AIG1: variants seen among roughly 807,000 people sequenced by gnomAD.
AIG1 encodes androgen-induced gene 1 protein.
Under a neutral mutation model 31.4 loss-of-function variants are expected in AIG1, and 23 were observed. The ratio of observed to expected loss-of-function variants is 0.73; its 90% CI spans 0.53 to 1.04. The LOEUF is 1.04. Among genes scored for constraint, AIG1 ranks in the 50% least tolerant of loss-of-function variants. AIG1 has a pLI of 0.00. For synonymous variants in AIG1, 100 were observed against 110.5 expected, an observed-to-expected ratio of 0.90 and a Z score of 0.60; for missense variants, 274 against 295.0, an observed-to-expected ratio of 0.93 and a Z score of 0.52.
At chr6:143,176,420 G>GT (rs1788164765) in intron 3 of AIG1, among the ~76,000 whole-genome samples, 1 of 152,170 alleles carries the variant, frequency 6.6e-6, no homozygotes, top group African/African-American at 2.4e-5. Flanking sequence ...TCAAGAGATT[G>GT]TTTTTTGTCT....
At position 143,282,104 on chromosome 6, in the gene AIG1, C is replaced by T. The variant is rs145658671; in HGVS notation, c.400-2006C>T. 4.5e-4 allele frequency among the ~76,000 whole-genome samples: 69 copies of T among 152,252 alleles called. No individual in the cohort carries two copies. The East Asian group carries it at 0.012, about 27-fold the overall frequency. On this transcript the variant is annotated intron_variant, in intron 3 of 5. Transcript: ENST00000357847. ...ACTTTCCTTGATAAAATAATGACAA[C>T]TGAATAAGCATATTCTGATTGGTTA...
intron 3 of AIG1, among the ~76,000 whole-genome samples, chr6:143,236,514 G>A (rs1352129884): frequency 1.3e-5 from 2 of 152,224 alleles, no homozygotes; most frequent in Non-Finnish European, 2.9e-5. Context: ...ATATAATGAT[G>A]TTGTTCTTTG....
chr6:143,254,499 C>T (rs1327669606), intron 3 of AIG1, among the ~76,000 whole-genome samples: 3 of 152,190 alleles, frequency 2.0e-5, no homozygotes, highest in African/African-American at 4.8e-5. Context: ...TATCTGCAAA[C>T]ACAACCCGAA....
chr6:143,127,660 T>C (rs1358268526), intron 1 of AIG1, among the ~76,000 whole-genome samples: 3 of 152,156 alleles, frequency 2.0e-5, no homozygotes, highest in East Asian at 3.8e-4. Flanking sequence ...ATTAAGGACA[T>C]AACTTGATAT....
At chr6:143,095,677 T>C (rs1779698096) in intron 1 of AIG1, among the ~76,000 whole-genome samples, 2 of 152,164 alleles carry the variant, frequency 1.3e-5, no homozygotes, top group Admixed American at 1.3e-4. Flanking sequence ...ATAATTAAAA[T>C]ATATTATCAG....
At chr6:143,089,275 G>A (rs940679897) in intron 1 of AIG1, among the ~76,000 whole-genome samples, 20 of 151,718 alleles carry the variant, frequency 1.3e-4, no homozygotes, top group Non-Finnish European at 2.9e-4. Flanking sequence ...ATTATATATA[G>A]CATATTATAC....
intron 1 of AIG1, among the ~76,000 whole-genome samples, chr6:143,081,261 T>C (rs1369608834): frequency 2.0e-5 from 3 of 152,184 alleles, no homozygotes; most frequent in Non-Finnish European, 4.4e-5. Context: ...CCAGGCACAG[T>C]GTAAGTGATA....
intron 3 of AIG1, among the ~76,000 whole-genome samples, chr6:143,166,807 A>G (rs1787000202): frequency 6.6e-6 from 1 of 152,194 alleles, no homozygotes; most frequent in South Asian, 2.1e-4. Flanking sequence ...GAATGATCGC[A>G]ATTACAAATG....
intron 3 of AIG1, among the ~76,000 whole-genome samples, chr6:143,255,129 C>T (rs985107910): frequency 2.0e-5 from 3 of 152,128 alleles, no homozygotes; most frequent in Admixed American, 2.0e-4. Context: ...CATAGAAGAG[C>T]CCCTTACTTT....
At chr6:143,181,218 A>T (rs900293920) in intron 3 of AIG1, among the ~76,000 whole-genome samples, 1 of 152,210 alleles carries the variant, frequency 6.6e-6, no homozygotes, top group African/African-American at 2.4e-5. Flanking sequence ...AGTAACTAAG[A>T]TATCTGGAAA....
At position 143,142,062 on chromosome 6, in the gene AIG1, A is replaced by G. The variant is rs534266532; in HGVS notation, c.297+5072A>G. The stretch of plus-strand genomic sequence containing the variant: ...AAAAGAACAATTATTTATATATTTT[A>G]TACATTTTAAACTTTCTGTCTTTGT... On this transcript the variant is annotated intron_variant, in intron 2 of 5. Transcript: ENST00000357847. Among the ~76,000 whole-genome samples the G allele has an allele frequency of 4.4e-4, 67 of 152,124 alleles. 1 individual carries two copies. The highest frequency in any genetic ancestry group is 1.6e-3 in the African/African-American group (67 of 41,424).
At chr6:143,106,260 G>A (rs1449938820) in intron 1 of AIG1, among the ~76,000 whole-genome samples, 3 of 152,244 alleles carry the variant, frequency 2.0e-5, no homozygotes, top group East Asian at 1.9e-4. Flanking sequence ...CAAGGAACAC[G>A]GAAGGTTGCC....
chr6:143,067,099 G>C (rs974512081), intron 1 of AIG1, among the ~76,000 whole-genome samples: 2 of 152,036 alleles, frequency 1.3e-5, no homozygotes, highest in African/African-American at 4.8e-5. Flanking sequence ...CCAGGAGTTC[G>C]AGTTTGCAAT....
At chr6:143,249,175 GA>G (rs1794825793) in intron 3 of AIG1, among the ~76,000 whole-genome samples, 1 of 152,220 alleles carries the variant, frequency 6.6e-6, no homozygotes, top group Non-Finnish European at 1.5e-5. Context: ...CACAGCAGAA[GA>G]AAATCCTAAA....
At chr6:143,090,656 T>C (rs1341436001) in intron 1 of AIG1, among the ~76,000 whole-genome samples, 1 of 152,236 alleles carries the variant, frequency 6.6e-6, no homozygotes, top group Non-Finnish European at 1.5e-5. Context: ...CTAAAAAATG[T>C]ACATGCCTTA....
intron 3 of AIG1, among the ~76,000 whole-genome samples, chr6:143,254,692 T>C (rs1174698975): frequency 1.3e-5 from 2 of 151,982 alleles, no homozygotes; most frequent in African/African-American, 4.8e-5. Context: ...ATTACTAGAG[T>C]TGTGATGCTT....
At chr6:143,324,073 G>A (rs1776423758) in intron 4 of AIG1, among the ~76,000 whole-genome samples, 1 of 152,182 alleles carries the variant, frequency 6.6e-6, no homozygotes, top group Non-Finnish European at 1.5e-5. Context: ...TGGGTGAGAA[G>A]CTGATGCACA....
rs915148098 is a variant in AIG1, at chr6:143,262,573, T to TA, written c.400-21536dup. The stretch of plus-strand genomic sequence containing the variant: ...TCACATTAACTTACTACTTGATAAA[T>TA]ACAAATTTAAGAAATAGGGATTCTT... On this transcript the variant is annotated intron_variant, in intron 3 of 5. Transcript: ENST00000357847. 8.7e-4 allele frequency among the ~76,000 whole-genome samples: 132 copies of TA among 152,210 alleles called. 1 individual carries two copies. Among genetic ancestry groups the TA allele is most frequent in the African/African-American group, 3.2e-3 (131 of 41,504 alleles).
chr6:143,071,637 G>A (rs1346506282), intron 1 of AIG1, among the ~76,000 whole-genome samples: 1 of 151,026 alleles, frequency 6.6e-6, no homozygotes, highest in African/African-American at 2.4e-5. Context: ...ATTTTAATTG[G>A]TGTATAGTGA....
Sources: allele counts gnomAD v4.1 joint callset (sites outside exome capture counted in the v4.1 genomes callset), GRCh38; gene constraint gnomAD v4.1.1; transcripts MANE v1.5; gene names NCBI Gene and HGNC (gene_info 2026-07-23, HGNC 2026-07-21).